NMT1: variants seen among roughly 807,000 people sequenced by gnomAD.
The protein encoded by NMT1 is N-myristoyltransferase 1, also known as glycylpeptide N-tetradecanoyltransferase 1.
NMT1 carries 12 observed loss-of-function variants against 63.4 expected under a neutral mutation model. That is an observed-to-expected ratio of 0.19 (90% CI 0.12 to 0.31). NMT1 has a LOEUF of 0.31. Among genes scored for constraint, NMT1 ranks in the 10% least tolerant of loss-of-function variants. The probability of loss-of-function intolerance (pLI) is 1.00; values close to 1 mark genes in which losing one functional copy is unlikely to be tolerated. For missense variants in NMT1, 432 were observed against 634.6 expected (o/e 0.68, Z 3.43); for synonymous variants, 228 against 234.3 (o/e 0.97, Z 0.25).
chr17:45,084,668 A>G (rs780843492), intron 2 of NMT1, among the ~76,000 whole-genome samples: 105 of 149,204 alleles, frequency 7.0e-4, no homozygotes, highest in Middle Eastern at 3.5e-3. Flanking sequence ...GGGTCTCACT[A>G]TATTGCCCAG....
At position 45,086,591 on chromosome 17, in the gene NMT1, C is replaced by T; in HGVS notation, c.324C>T (p.Thr108=). ...CAGTGGGTCAGGGACCTGCCAAAACCATGGAGGAGGCTAGCAAGCGAAGCT... is the reference window on the plus strand; with the variant it reads ...CAGTGGGTCAGGGACCTGCCAAAACTATGGAGGAGGCTAGCAAGCGAAGCT... ...LFSVGQGPAK[T]MEEASKRSYQ... Residue 108 remains threonine, a synonymous_variant, in exon 3 of 12, where the codon ACC becomes ACT. Coordinates refer to ENST00000258960, the MANE Select transcript of NMT1 (RefSeq NM_021079.5). The T allele has an allele frequency of 1.9e-6, 3 of 1,613,502 alleles. No individual in the cohort carries two copies. The highest frequency in any genetic ancestry group is 1.7e-5 in the Admixed American group (1 of 59,910).
chr17:45,102,504 G>A (rs539456603), intron 8 of NMT1, among the ~76,000 whole-genome samples: 4 of 152,318 alleles, frequency 2.6e-5, no homozygotes, highest in South Asian at 2.1e-4. Context: ...GTCTGTCCGC[G>A]AAGTGCTCTA....
chr17:45,083,194 C>G (rs2054028121), intron 2 of NMT1, among the ~76,000 whole-genome samples: 1 of 151,654 alleles, frequency 6.6e-6, no homozygotes, highest in African/African-American at 2.4e-5. Context: ...TGGCACGCAC[C>G]TGTAATCTCA....
rs1401094663 is a variant in NMT1, at chr17:45,103,110, T to A, written c.1153T>A (p.Phe385Ile). The A allele has an allele frequency of 6.2e-7, 1 of 1,608,366 alleles. No individual in the cohort carries two copies. The highest frequency in any genetic ancestry group is 8.5e-7 in the Non-Finnish European group (1 of 1,175,222). Residue 385 changes from phenylalanine (F) to isoleucine (I), a missense_variant, in exon 9 of 12, where the codon TTC (phenylalanine) becomes ATC (isoleucine). Phe to Ile is a conservative substitution (Grantham distance 21). This residue lies in a region of NMT1 where 295 missense variants were observed against 489.7 expected (regional missense o/e 0.60). Transcript: ENST00000258960. This position sits in a 1 kb window ranked among gnomAD's most constrained non-coding sequence, Gnocchi z 4.8. ...FYPQENIIDT[F>I]VVENANGEVT... ...CCCCCAGGAGAATATCATCGACACTTTCGTGGTGGAGGTGAGTCAGGGAGT... is the reference window on the plus strand; with the variant it reads ...CCCCCAGGAGAATATCATCGACACTATCGTGGTGGAGGTGAGTCAGGGAGT...
chr17:45,067,057 A>G (rs2053907658), intron 1 of NMT1, among the ~76,000 whole-genome samples: 1 of 151,870 alleles, frequency 6.6e-6, no homozygotes, highest in African/African-American at 2.4e-5. Flanking sequence ...AATTTCCCCC[A>G]GTTACGTGCC....
At position 45,069,360 on chromosome 17, in the gene NMT1, T is replaced by G. The variant is rs568404524; in HGVS notation, c.131+7900T>G. Among the ~76,000 whole-genome samples, 59 of 151,948 alleles carry G rather than the reference T, an allele frequency of 3.9e-4. No individual in the cohort carries two copies. In the East Asian group the frequency reaches 9.9e-3, roughly 25 times the overall value. On this transcript the variant is annotated intron_variant, in intron 1 of 11. Transcript: ENST00000258960. ...AGGCTGGAGTGCAGTGGCGTGATCT[T>G]GGCTCACCACAACCTCCACCTCCCA...
At chr17:45,088,049 T>C (rs1453692998) in intron 3 of NMT1, among the ~76,000 whole-genome samples, 1 of 152,228 alleles carries the variant, frequency 6.6e-6, no homozygotes, top group Non-Finnish European at 1.5e-5. Flanking sequence ...ATGCAGTTCT[T>C]AGAAGCTTGG....
chr17:45,079,825 A>G (rs920618072), intron 1 of NMT1, among the ~76,000 whole-genome samples: 2 of 151,928 alleles, frequency 1.3e-5, no homozygotes, highest in Non-Finnish European at 2.9e-5. Flanking sequence ...TCAGCCTCCC[A>G]AGTAGCTGGG....
rs1254450780 is a variant in NMT1 at position 45,108,304 on chromosome 17, C to G, written c.*2665C>G. 2.0e-5 allele frequency: 3 copies of G among 152,164 alleles called. No homozygotes were observed. Among genetic ancestry groups the G allele is most frequent in the Non-Finnish European group, 4.4e-5 (3 of 68,038 alleles). 9.4% of individuals were successfully genotyped at this position (152,164 alleles called of 1,614,324 possible). On this transcript the variant is annotated 3_prime_UTR_variant, in exon 12 of 12. Coordinates refer to ENST00000258960, the MANE Select transcript of NMT1 (RefSeq NM_021079.5). ...TGTAGGGAGAGAGCTGAGTAGGAGG[C>G]CTCCACTCCGGATCGAGGCCTGTAT...
At chr17:45,087,025 G>A (rs539440182) in intron 3 of NMT1, among the ~76,000 whole-genome samples, 12 of 151,352 alleles carry the variant, frequency 7.9e-5, no homozygotes, top group Non-Finnish European at 1.8e-4. Context: ...GCCAGGCATA[G>A]TGACATGCAC....
intron 2 of NMT1, among the ~76,000 whole-genome samples, chr17:45,083,151 C>A (rs1385701785): frequency 2.0e-5 from 3 of 152,030 alleles, no homozygotes; most frequent in Admixed American, 6.6e-5. Flanking sequence ...CCTGCCTCTA[C>A]TGAAGATACA....
chr17:45,066,048 C>A (rs1375721822), intron 1 of NMT1, among the ~76,000 whole-genome samples: 1 of 151,824 alleles, frequency 6.6e-6, no homozygotes, highest in East Asian at 1.9e-4. Flanking sequence ...AGTCATAGTA[C>A]TCTATGCTAA....
intron 3 of NMT1, among the ~76,000 whole-genome samples, chr17:45,088,016 T>A (rs875750): frequency 0.4 from 60,222 of 152,134 alleles, 12,584 homozygotes; most frequent in Non-Finnish European, 0.44. Context: ...TTTGAAAGTT[T>A]GAGAAGCTCT....
chr17:45,080,361 T>A (rs2054009064), intron 1 of NMT1, among the ~76,000 whole-genome samples: 1 of 150,734 alleles, frequency 6.6e-6, no homozygotes, highest in African/African-American at 2.4e-5. Context: ...GCTTTCTCCA[T>A]GTTGGTCAGG....
chr17:45,079,483 G>A (rs2053999464), intron 1 of NMT1, among the ~76,000 whole-genome samples: 1 of 152,204 alleles, frequency 6.6e-6, no homozygotes, highest in Non-Finnish European at 1.5e-5. Context: ...GTTCAAGGCA[G>A]CAGGATCACT....
rs558828349 is a variant in NMT1, at chr17:45,079,077, T to C, written c.132-2567T>C. ...TCAGGTTGGACTCCTAATTTTGACT[T>C]TTCTTTTTTTCTTTTCTTTTCTTTT... On this transcript the variant is annotated intron_variant, in intron 1 of 11. Transcript: ENST00000258960. Among the ~76,000 whole-genome samples, 195 of 152,050 alleles carry C rather than the reference T, an allele frequency of 1.3e-3. 1 individual carries two copies. The highest frequency in any genetic ancestry group is 4.5e-3 in the African/African-American group (187 of 41,528).
At position 45,104,757 on chromosome 17, in the gene NMT1, GT is replaced by G; in HGVS notation, c.1333-101del. 7 of 1,548,608 alleles carry G rather than the reference GT, an allele frequency of 4.5e-6. No individual in the cohort carries two copies. Among genetic ancestry groups the G allele is most frequent in the Non-Finnish European group, 6.1e-6 (7 of 1,146,290 alleles). On this transcript the variant is annotated intron_variant, in intron 10 of 11. Transcript: ENST00000258960. The surrounding 1 kb of genome is among the most constrained non-coding windows in gnomAD (Gnocchi z 4.2). ...GAGCTTCTGAGGGAACCTTGTTCTTGTGGCTGCCCACAGGACAGCTTTGAAA... is the reference window on the plus strand; with the variant it reads ...GAGCTTCTGAGGGAACCTTGTTCTTGGGCTGCCCACAGGACAGCTTTGAAA...
At chr17:45,072,761 A>G (rs1032271094) in intron 1 of NMT1, among the ~76,000 whole-genome samples, 3 of 144,390 alleles carry the variant, frequency 2.1e-5, no homozygotes, top group South Asian at 2.3e-4. Flanking sequence ...GGGTTTCACC[A>G]TGTTAGCCAG....
chr17:45,070,638 C>T (rs573588209), intron 1 of NMT1, among the ~76,000 whole-genome samples: 1 of 147,468 alleles, frequency 6.8e-6, no homozygotes, highest in African/African-American at 2.6e-5. Context: ...AGGATGGTCT[C>T]GATCTCCTGA....
Sources: gnomAD v4.1 joint callset for allele counts (sites outside exome capture counted in the v4.1 genomes callset) on GRCh38, gnomAD v4.1.1 for gene constraint, gnomAD v4.1.1 regional missense constraint, Gnocchi (gnomAD v3.1) non-coding constraint, MANE v1.5 for transcripts, NCBI Gene and HGNC (gene_info 2026-07-23, HGNC 2026-07-21) for gene names.